CNTN4: variants seen among roughly 807,000 people sequenced by gnomAD.
CNTN4 encodes the protein contactin 4, also known as contactin-4.
CNTN4 carries 77 observed loss-of-function variants against 122.5 expected under a neutral mutation model. The ratio of observed to expected loss-of-function variants is 0.63; its 90% CI spans 0.52 to 0.76. The LOEUF (loss-of-function observed/expected upper bound fraction) is 0.76. Among genes scored for constraint, CNTN4 ranks in the 30% least tolerant of loss-of-function variants. The pLI, the probability that CNTN4 is intolerant of heterozygous loss-of-function variation, is 0.00. For missense variants in CNTN4, 1,256 were observed against 1,259.1 expected (o/e 1.00, Z 0.04); for synonymous variants, 512 against 447.0 (o/e 1.15, Z -1.83).
At chr3:2,579,354 G>A (rs1044725272) in intron 4 of CNTN4, among the ~76,000 whole-genome samples, 6 of 152,214 alleles carry the variant, frequency 3.9e-5, no homozygotes, top group African/African-American at 1.4e-4. Flanking sequence ...CAGTGATGCT[G>A]CCTCAAAGCT....
intron 4 of CNTN4, among the ~76,000 whole-genome samples, chr3:2,579,535 CTT>C (rs11129200): frequency 8.0e-5 from 12 of 150,186 alleles, no homozygotes; most frequent in Admixed American, 1.3e-4. Context: ...TCATGGGTTT[CTT>C]TTTTTTTTTA....
rs565099754 is a variant in CNTN4 at position 2,985,933 on chromosome 3, G to A, written c.1359-2412G>A. Among the ~76,000 whole-genome samples, 15 of 106,360 alleles carry A rather than the reference G, an allele frequency of 1.4e-4. No homozygotes were observed. The East Asian group carries it at 3.5e-3, about 25-fold the overall frequency. 69.8% of individuals were successfully genotyped at this position (106,360 alleles called of 152,430 possible). A position where few individuals can be genotyped will look rare whatever the true frequency, so the allele number is the denominator to read the frequency against. ...AATACTTTTTTTTTTTTTTTTTTTCGAGACAGGGTCTCGCTCTGTCTCCTA... is the reference window on the plus strand; with the variant it reads ...AATACTTTTTTTTTTTTTTTTTTTCAAGACAGGGTCTCGCTCTGTCTCCTA... On this transcript the variant is annotated intron_variant, in intron 13 of 24. Transcript: ENST00000418658.
At chr3:2,407,797 T>G (rs1028471809) in intron 3 of CNTN4, among the ~76,000 whole-genome samples, 2 of 152,144 alleles carry the variant, frequency 1.3e-5, no homozygotes, top group Non-Finnish European at 2.9e-5. Flanking sequence ...TTTAAGAAAA[T>G]CCACTATTTT....
In CNTN4 at chr3:2,571,515, A is replaced by T; in HGVS notation, c.12A>T (p.Pro4=). MRL[P]WELLVLQSFI... ...CTCGGAAACTGAAGATGAGGTTGCC[A>T]TGGGAACTGCTGGTACTGCAATCAT... The change falls in exon 4 of 25, where the codon CCA becomes CCT. Residue 4 remains proline, a synonymous_variant. Coordinates refer to ENST00000418658, the MANE Select transcript of CNTN4 (RefSeq NM_175607.3). 6.2e-7 allele frequency: 1 copy of T among 1,613,720 alleles called. No homozygotes were observed. The highest frequency in any genetic ancestry group is 8.5e-7 in the Non-Finnish European group (1 of 1,179,582).
intron 7 of CNTN4, among the ~76,000 whole-genome samples, chr3:2,850,583 G>A (rs1356152842): frequency 1.3e-5 from 2 of 152,120 alleles, no homozygotes; most frequent in African/African-American, 4.8e-5. Context: ...TGCCATGTGA[G>A]ACTTTAAGAG....
intron 6 of CNTN4, among the ~76,000 whole-genome samples, chr3:2,786,345 T>C (rs2091829338): frequency 6.6e-6 from 1 of 152,160 alleles, no homozygotes; most frequent in Non-Finnish European, 1.5e-5. Context: ...CTTCCGGGGC[T>C]CCGGGGCCAC....
At chr3:3,013,983 T>C (rs531552215) in intron 14 of CNTN4, among the ~76,000 whole-genome samples, 9 of 151,882 alleles carry the variant, frequency 5.9e-5, no homozygotes, top group African/African-American at 2.2e-4. Context: ...TAATGGATAA[T>C]CTAGGAAGTG....
At chr3:2,607,941 C>G (rs1329719996) in intron 4 of CNTN4, among the ~76,000 whole-genome samples, 1 of 152,070 alleles carries the variant, frequency 6.6e-6, no homozygotes, top group East Asian at 1.9e-4. Context: ...TATTTGATCA[C>G]TTCTGTGGTT....
At chr3:2,989,166 A>G (rs190062874) in intron 14 of CNTN4, among the ~76,000 whole-genome samples, 72 of 152,328 alleles carry the variant, frequency 4.7e-4, no homozygotes, top group African/African-American at 1.7e-3. Context: ...CTTAATTTAC[A>G]TTTCATTTGC....
At chr3:2,140,874 A>G (rs1023430735) in intron 2 of CNTN4, among the ~76,000 whole-genome samples, 2 of 152,162 alleles carry the variant, frequency 1.3e-5, no homozygotes, top group African/African-American at 2.4e-5. Context: ...TGATATGTGT[A>G]TGAGTTGACT....
At chr3:2,296,331 G>T (rs2042310275) in intron 2 of CNTN4, among the ~76,000 whole-genome samples, 2 of 152,236 alleles carry the variant, frequency 1.3e-5, no homozygotes, top group African/African-American at 2.4e-5. Flanking sequence ...TCTTCCATTT[G>T]TTTGTATCTC....
intron 3 of CNTN4, among the ~76,000 whole-genome samples, chr3:2,390,355 G>A (rs978620138): frequency 1.3e-5 from 2 of 151,842 alleles, no homozygotes; most frequent in African/African-American, 2.4e-5. Context: ...GCAACTTTCT[G>A]TAAGTCTGAA....
chr3:2,776,021 A>G (rs1181561208), intron 6 of CNTN4, among the ~76,000 whole-genome samples: 1 of 152,198 alleles, frequency 6.6e-6, no homozygotes, highest in African/African-American at 2.4e-5. Context: ...ATGTCATAGC[A>G]TATTTATTGC....
intron 6 of CNTN4, among the ~76,000 whole-genome samples, chr3:2,772,240 A>G (rs2091133866): frequency 6.6e-6 from 1 of 152,116 alleles, no homozygotes; most frequent in African/African-American, 2.4e-5. Context: ...GCACTAGGAT[A>G]CCAGCATCTG....
chr3:2,814,247 T>C (rs544339993), intron 6 of CNTN4, among the ~76,000 whole-genome samples: 5 of 152,338 alleles, frequency 3.3e-5, no homozygotes, highest in Admixed American at 2.6e-4. Context: ...GAACCACATA[T>C]AAAGCTTGAA....
intron 3 of CNTN4, among the ~76,000 whole-genome samples, chr3:2,415,821 AT>A (rs2047391676): frequency 6.6e-6 from 1 of 150,508 alleles, no homozygotes; most frequent in Admixed American, 6.6e-5. Flanking sequence ...TTGGTTTTTG[AT>A]TTGGGATTTG....
intron 4 of CNTN4, among the ~76,000 whole-genome samples, chr3:2,707,162 C>G (rs1006948976): frequency 6.6e-6 from 1 of 151,728 alleles, no homozygotes; most frequent in South Asian, 2.1e-4. Context: ...AAAAATTAGA[C>G]GGGCATGGTG....
At chr3:2,741,404 C>T (rs1297880777) in intron 5 of CNTN4, among the ~76,000 whole-genome samples, 2 of 152,158 alleles carry the variant, frequency 1.3e-5, no homozygotes, top group Admixed American at 6.5e-5. Flanking sequence ...AAAAGAAGTG[C>T]ATTCCAGAAA....
intron 13 of CNTN4, among the ~76,000 whole-genome samples, chr3:2,961,030 A>ACGAGG (rs2094848966): frequency 7.2e-6 from 1 of 138,394 alleles, no homozygotes; most frequent in African/African-American, 2.6e-5. Flanking sequence ...GGAGATCGAG[A>ACGAGG]CCATCCTGGC....
Sources: allele counts gnomAD v4.1 joint callset (sites outside exome capture counted in the v4.1 genomes callset), GRCh38; gene constraint gnomAD v4.1.1; transcripts MANE v1.5; gene names NCBI Gene and HGNC (gene_info 2026-07-23, HGNC 2026-07-21).